Variants in FYB2 observed in about 807,000 individuals in gnomAD.
FYB2 encodes FYN-binding protein 2.
FYB2 carries 103 observed loss-of-function variants against 94.1 expected under a neutral mutation model. That is an observed-to-expected ratio of 1.09 (90% confidence interval 0.93 to 1.29). The LOEUF is 1.29. Ranked by LOEUF, FYB2 falls within the 50% of genes most tolerant of loss-of-function variation. The pLI is 0.00. For missense variants in FYB2, 896 were observed against 841.5 expected, an observed-to-expected ratio of 1.06 and a Z score of -0.80; for synonymous variants, 293 against 287.9, an observed-to-expected ratio of 1.02 and a Z score of -0.18.
chr1:56,801,117 C>A (rs1448825115), intron 1 of FYB2, among the ~76,000 whole-genome samples: 1 of 152,116 alleles, frequency 6.6e-6, no homozygotes, highest in African/African-American at 2.4e-5. Flanking sequence ...TGCAAAATTC[C>A]TCATGTCCTC....
At chr1:56,731,846 A>G (rs900224552) in intron 15 of FYB2, 1 of 152,174 alleles carries the variant, frequency 6.6e-6, no homozygotes, top group Non-Finnish European at 1.5e-5. Context: ...AAAGTACCTC[A>G]ACATAATAAA....
At position 56,793,738 on chromosome 1, in the gene FYB2, G is replaced by GA. The variant is rs61663036; in HGVS notation, c.10-936dup. On this transcript the variant is annotated intron_variant, in intron 1 of 19. Transcript: ENST00000343433. ...ACTTCCTGAACCTAAAACGAAAGTT[G>GA]AAAAAAAAAAAAAAAAAAAAAAGCT... Among the ~76,000 whole-genome samples the GA allele has an allele frequency of 1.5e-3, 118 of 80,664 alleles. 2 individuals carry two copies. Among genetic ancestry groups the GA allele is most frequent in the African/African-American group, 5.0e-3 (112 of 22,338 alleles). 52.9% of individuals were successfully genotyped at this position (80,664 alleles called of 152,430 possible).
intron 1 of FYB2, among the ~76,000 whole-genome samples, chr1:56,815,151 CT>C (rs1646853984): frequency 6.6e-6 from 1 of 152,124 alleles, no homozygotes; most frequent in Non-Finnish European, 1.5e-5. Context: ...TAGCACCTTG[CT>C]GCCAACTATC....
intron 4 of FYB2, among the ~76,000 whole-genome samples, chr1:56,769,224 G>A (rs538372616): frequency 4.6e-5 from 7 of 152,118 alleles, no homozygotes; most frequent in African/African-American, 1.4e-4. Flanking sequence ...TGTGTTTGTA[G>A]AAAGGAAGCC....
chr1:56,757,691 T>TTCC (rs1557616923), intron 6 of FYB2, among the ~76,000 whole-genome samples: 799 of 70,002 alleles, frequency 0.011, 3 homozygotes, highest in African/African-American at 0.022. Context: ...TCCTTCCTTC[T>TTCC]TTCTTTCTTT....
intron 1 of FYB2, among the ~76,000 whole-genome samples, chr1:56,808,458 A>G (rs1048596685): frequency 1.3e-5 from 2 of 152,212 alleles, no homozygotes; most frequent in Non-Finnish European, 2.9e-5. Context: ...TCCACTCAGT[A>G]AACCTCAGGA....
chr1:56,719,966 G>A lies in FYB2; in HGVS notation c.2165+56C>T, dbSNP rs1254482876. 4 of 1,482,890 alleles carry A rather than the reference G, an allele frequency of 2.7e-6. No homozygotes were observed. In the Admixed American group the frequency reaches 6.4e-5, roughly 24 times the overall value. 91.9% of individuals were successfully genotyped at this position (1,482,890 alleles called of 1,614,324 possible). On this transcript the variant is annotated intron_variant, in intron 19 of 19. Coordinates refer to ENST00000343433, the MANE Select transcript of FYB2 (RefSeq NM_001004303.5). Reference sequence around the variant, plus strand: ...TCAGTAGTCTTCTCTTGAGACTAATGTATACAACAATGTATTAGGAACTCA... The same window carrying A: ...TCAGTAGTCTTCTCTTGAGACTAATATATACAACAATGTATTAGGAACTCA...
chr1:56,800,175 C>T (rs1646487611), intron 1 of FYB2, among the ~76,000 whole-genome samples: 1 of 152,120 alleles, frequency 6.6e-6, no homozygotes, highest in Admixed American at 6.6e-5. Context: ...GCAGCAGAAG[C>T]CAACAAATTA....
At position 56,792,138 on chromosome 1, in the gene FYB2, C is replaced by G; in HGVS notation, c.675G>C (p.Trp225Cys). 6.2e-7 allele frequency: 1 copy of G among 1,613,840 alleles called. No homozygotes were observed. Among genetic ancestry groups the G allele is most frequent in the East Asian group, 2.2e-5 (1 of 44,864 alleles). The part of the protein sequence containing the change: ...FVISQHIRKS[W>C]ENPPPERSPA... ...GGCTCCTCTCAGGAGGTGGGTTTTC[C>G]CAGCTTTTTCTGATATGTTGAGAAA... Residue 225 changes from tryptophan to cysteine, a missense_variant, in exon 2 of 20, where the codon TGG becomes TGC. Physicochemically the swap from Trp to Cys is radical, Grantham distance 215 (BLOSUM62 -2). Coordinates refer to ENST00000343433, the MANE Select transcript of FYB2 (RefSeq NM_001004303.5).
intron 4 of FYB2, among the ~76,000 whole-genome samples, chr1:56,770,879 C>T (rs1645737542): frequency 6.6e-6 from 1 of 152,056 alleles, no homozygotes; most frequent in African/African-American, 2.4e-5. Flanking sequence ...AAGGTAAACT[C>T]CTAACCTCAT....
At chr1:56,767,663 T>C (rs1367876751) in intron 5 of FYB2, among the ~76,000 whole-genome samples, 166 bp downstream of exon 5, 1 of 152,152 alleles carries the variant, frequency 6.6e-6, no homozygotes, top group Admixed American at 6.5e-5. Context: ...GATTTATTTA[T>C]ATTTTTAAGA....
At chr1:56,785,538 G>C (rs987033790) in intron 4 of FYB2, among the ~76,000 whole-genome samples, 3 of 152,190 alleles carry the variant, frequency 2.0e-5, no homozygotes, top group Non-Finnish European at 2.9e-5. Context: ...AGTTCCCAGA[G>C]CACATGAATT....
At chr1:56,750,867 T>G (rs534964811) in intron 9 of FYB2, among the ~76,000 whole-genome samples, 177 bp downstream of exon 9, 1 of 152,184 alleles carries the variant, frequency 6.6e-6, no homozygotes, top group South Asian at 2.1e-4. Flanking sequence ...AACTCAAGAC[T>G]TCTGCTTTTC....
At chr1:56,721,523 T>G (rs2100475256) in intron 17 of FYB2, among the ~76,000 whole-genome samples, 1 of 152,048 alleles carries the variant, frequency 6.6e-6, no homozygotes, top group African/African-American at 2.4e-5. Context: ...CATTACTCAC[T>G]GTGAATTCAT....
At chr1:56,736,155 T>A (rs1644825555) in intron 15 of FYB2, among the ~76,000 whole-genome samples, 1 of 151,766 alleles carries the variant, frequency 6.6e-6, no homozygotes, top group South Asian at 2.1e-4. Context: ...AAAACTAGTA[T>A]TTTTTTTCCT....
At chr1:56,720,479 A>G in intron 17 of FYB2, 150 bp from the exon 18 acceptor site, 1 of 596,006 alleles carries the variant, frequency 1.7e-6, no homozygotes, top group South Asian at 5.2e-5. Flanking sequence ...AAAATAGGAA[A>G]GTATGCAGTT....
chr1:56,755,899 G>A lies in FYB2; in HGVS notation c.1127C>T (p.Pro376Leu). The A allele has an allele frequency of 6.2e-7, 1 of 1,608,082 alleles. No individual in the cohort carries two copies. Among genetic ancestry groups the A allele is most frequent in the Non-Finnish European group, 8.5e-7 (1 of 1,175,216 alleles). The change falls in exon 7 of 20, where the codon CCT (proline) becomes CTT (leucine). Residue 376 changes from proline to leucine, a missense_variant. By Grantham distance (98) the Pro-to-Leu change is moderately conservative. Transcript: ENST00000343433. ...KPGKNFPYPE[P>L]SAKHEDKKMK... The stretch of plus-strand genomic sequence containing the variant: ...TCTTTTGAAAGATAAAACTCACCTA[G>A]GTTCTGGATAGGGAAAATTCTTCCC...
intron 5 of FYB2, among the ~76,000 whole-genome samples, chr1:56,759,226 C>CT (rs1645429004): frequency 6.6e-6 from 1 of 152,176 alleles, no homozygotes; most frequent in Non-Finnish European, 1.5e-5. Context: ...CACCTTTTGA[C>CT]TTTTCCAATA....
intron 17 of FYB2, among the ~76,000 whole-genome samples, chr1:56,721,634 G>A (rs1325493748): frequency 3.3e-5 from 5 of 151,826 alleles, no homozygotes; most frequent in East Asian, 1.9e-4. Context: ...TGCTTAGCTC[G>A]ACATTTGGGG....
Sources: allele counts gnomAD v4.1 joint callset (sites outside exome capture counted in the v4.1 genomes callset), GRCh38; gene constraint gnomAD v4.1.1; transcripts MANE v1.5; gene names NCBI Gene and HGNC (gene_info 2026-07-23, HGNC 2026-07-21).